DHX37: variants seen among roughly 807,000 people sequenced by gnomAD.
The protein encoded by DHX37 is DEAH-box helicase 37.
A neutral mutation model predicts 134.3 loss-of-function variants in DHX37; 52 were observed. The ratio of observed to expected loss-of-function variants is 0.39; its 90% CI spans 0.31 to 0.49. DHX37 has a LOEUF of 0.49. DHX37 is among the 20% of genes least tolerant of loss of function. DHX37 has a pLI of 0.93. For synonymous variants in DHX37, 634 were observed against 670.7 expected (o/e 0.95, Z 0.85); for missense variants, 1,344 against 1,580.8 (o/e 0.85, Z 2.54).
chr12:124,988,092 C>G (rs920152484), intron 1 of DHX37, among the ~76,000 whole-genome samples: 1 of 145,334 alleles, frequency 6.9e-6, no homozygotes, highest in Non-Finnish European at 1.5e-5. Context: ...ATCCTGGGTT[C>G]AAGCCATTCT....
chr12:124,974,055 G>A (rs1472336185), intron 6 of DHX37, among the ~76,000 whole-genome samples: 2 of 150,840 alleles, frequency 1.3e-5, no homozygotes, highest in Non-Finnish European at 2.9e-5. Context: ...CTGGGTTCAC[G>A]CCATTCTCCT....
intron 8 of DHX37, among the ~76,000 whole-genome samples, chr12:124,969,500 C>T (rs1954472756): frequency 6.6e-6 from 1 of 152,122 alleles, no homozygotes; most frequent in Non-Finnish European, 1.5e-5. Flanking sequence ...GCACAGGCCC[C>T]TCTCTTGCCC....
intron 10 of DHX37, among the ~76,000 whole-genome samples, chr12:124,967,520 C>T (rs574378613): frequency 2.0e-5 from 3 of 152,300 alleles, no homozygotes; most frequent in Admixed American, 6.5e-5. Context: ...GTGACAGCGC[C>T]GCGGCTGCCC....
rs1260888090 is a variant in DHX37 at position 124,971,326 on chromosome 12, G to A, written c.1167C>T (p.Ser389=). 1.9e-6 allele frequency: 3 copies of A among 1,612,988 alleles called. No individual in the cohort carries two copies. The highest frequency in any genetic ancestry group is 4.5e-5 in the East Asian group (2 of 44,894). The change falls in exon 8 of 27, where the codon TCC becomes TCT. Residue 389 remains serine, a synonymous_variant. Transcript: ENST00000308736. The part of the protein sequence containing the change: ...VYTDILIGLL[S]RIVTLRAKRN... ...CCTTAGCCCGGAGAGTCACAATGCG[G>A]GACAGGAGGCCGATGAGGATGTCCG... is the stretch of plus-strand genomic sequence containing the variant.
chr12:124,962,587 C>T (rs879930074), intron 15 of DHX37, among the ~76,000 whole-genome samples: 9 of 152,182 alleles, frequency 5.9e-5, no homozygotes, highest in Non-Finnish European at 1.0e-4. Flanking sequence ...ATCCTGGAAG[C>T]GGAGGTTGCA....
intron 15 of DHX37, 139 bp from the exon 16 acceptor site, chr12:124,960,562 G>C (rs910088085): frequency 1.4e-6 from 2 of 1,403,024 alleles, no homozygotes; most frequent in Non-Finnish European, 9.5e-7. Context: ...CCTGACAGCA[G>C]GCACGGTGCT....
intron 5 of DHX37, among the ~76,000 whole-genome samples, chr12:124,976,701 G>A (rs918535703): frequency 6.6e-6 from 1 of 152,060 alleles, no homozygotes; most frequent in African/African-American, 2.4e-5. Flanking sequence ...GTGGTGGTGG[G>A]CGCCTGTAGT....
At chr12:124,959,971 A>AT (rs1954196020) in intron 16 of DHX37, among the ~76,000 whole-genome samples, 1 of 152,164 alleles carries the variant, frequency 6.6e-6, no homozygotes. Context: ...CCCTAGAGGG[A>AT]TCCCCCCCTC....
chr12:124,988,787 G>C, intron 1 of DHX37, 130 bp downstream of exon 1: 1 of 449,494 alleles, frequency 2.2e-6, no homozygotes. Flanking sequence ...TCTGGAATGG[G>C]GGGACCCATT....
intron 5 of DHX37, among the ~76,000 whole-genome samples, chr12:124,977,117 C>T (rs1011941326): frequency 1.3e-5 from 2 of 151,930 alleles, no homozygotes; most frequent in African/African-American, 4.8e-5. Context: ...AAGTGTGCTA[C>T]GCAAGTTCAC....
chr12:124,967,349 CAT>C (rs1210955469), intron 10 of DHX37, 131 bp from the exon 11 acceptor site: 2 of 978,400 alleles, frequency 2.0e-6, no homozygotes, highest in East Asian at 2.6e-5. Flanking sequence ...AGTACACAGA[CAT>C]AGATGAGCAG....
chr12:124,966,538 ATT>A (rs1360164123), intron 12 of DHX37, among the ~76,000 whole-genome samples: 1 of 152,066 alleles, frequency 6.6e-6, no homozygotes, highest in African/African-American at 2.4e-5. Flanking sequence ...AATCTAAAAA[ATT>A]TTTTGTAGAG....
chr12:124,976,190 G>A (rs1954635781), intron 5 of DHX37, among the ~76,000 whole-genome samples: 1 of 152,254 alleles, frequency 6.6e-6, no homozygotes. Flanking sequence ...TGCGTCCTGT[G>A]TGAGTCCACC....
intron 8 of DHX37, 81 bp downstream of exon 8, chr12:124,971,221 A>G: frequency 6.5e-7 from 1 of 1,545,422 alleles, no homozygotes; most frequent in South Asian, 1.2e-5. Flanking sequence ...AACGGGGAAC[A>G]GGTGAAGGAA....
At position 124,973,617 on chromosome 12, in the gene DHX37, G is replaced by A. The variant is rs1355368601; in HGVS notation, c.981-1018C>T. ...TCATTATACTATCCTTTCTACTTAT[G>A]TATATGCGCCCCCCCCAACGCTTTT... On this transcript the variant is annotated intron_variant, in intron 6 of 26. Transcript: ENST00000308736. Among the ~76,000 whole-genome samples, 3 of 140,388 alleles carry A rather than the reference G, an allele frequency of 2.1e-5. No individual in the cohort carries two copies. In the South Asian group the frequency reaches 6.9e-4, roughly 32 times the overall value. The allele number at this position is 140,388 out of a possible 152,430, so 92.1% of individuals were successfully genotyped here.
At chr12:124,952,332 C>T in intron 21 of DHX37, 66 bp downstream of exon 21, 1 of 1,491,768 alleles carries the variant, frequency 6.7e-7, no homozygotes, top group Non-Finnish European at 8.9e-7. Flanking sequence ...ACCCTGAGGG[C>T]CCAGCCCGCC....
intron 12 of DHX37, among the ~76,000 whole-genome samples, chr12:124,966,484 C>G (rs1017379122): frequency 7.9e-5 from 12 of 152,222 alleles, no homozygotes; most frequent in African/African-American, 2.9e-4. Flanking sequence ...CCACCTCAGC[C>G]TCTGAGCAGC....
chr12:124,977,028 A>G (rs1954660186), intron 5 of DHX37, among the ~76,000 whole-genome samples: 1 of 143,988 alleles, frequency 6.9e-6, no homozygotes, highest in African/African-American at 2.6e-5. Context: ...CCGGGGTGAC[A>G]CAGCGAGACG....
At chr12:124,966,761 TC>T (rs777304722) in intron 12 of DHX37, 31 bp downstream of exon 12, 64 of 1,611,304 alleles carry the variant, frequency 4.0e-5, no homozygotes, top group Non-Finnish European at 5.3e-5. Flanking sequence ...GCAGCCTTAC[TC>T]TCCAGGAGTC....
Sources: allele counts gnomAD v4.1 joint callset (sites outside exome capture counted in the v4.1 genomes callset), GRCh38; gene constraint gnomAD v4.1.1; transcripts MANE v1.5; gene names NCBI Gene and HGNC (gene_info 2026-07-23, HGNC 2026-07-21).